The following ABCC5 variants were observed in gnomAD, a reference collection of about 807,000 sequenced individuals.
ABCC5 encodes the protein ATP binding cassette subfamily C member 5, also known as ATP-binding cassette sub-family C member 5.
In ABCC5, 61 loss-of-function variants were observed where a neutral mutation model predicts 160.9. The observed-to-expected ratio is 0.38, with a 90% CI of 0.31 to 0.47. ABCC5 has a LOEUF of 0.47. ABCC5 is among the 20% of genes least tolerant of loss of function. ABCC5 has a pLI of 0.99. For missense variants in ABCC5, 1,308 were observed against 1,813.3 expected, an observed-to-expected ratio of 0.72 and a Z score of 5.06; for synonymous variants, 666 against 700.6, an observed-to-expected ratio of 0.95 and a Z score of 0.78.
At chr3:183,943,304 A>G (rs1198065909) in intron 24 of ABCC5, among the ~76,000 whole-genome samples, 1 of 152,198 alleles carries the variant, frequency 6.6e-6, no homozygotes, top group Non-Finnish European at 1.5e-5. Context: ...CTACCATTTG[A>G]TAATCATTGG....
Position 183,987,418 on chromosome 3 carries a change from C to A in ABCC5, c.591+352G>T. 1.9e-6 allele frequency: 1 copy of A among 529,410 alleles called. No homozygotes were observed. Among genetic ancestry groups the A allele is most frequent in the South Asian group, 2.8e-5 (1 of 36,008 alleles). The allele number at this position is 529,410 out of a possible 1,614,324, so 32.8% of individuals were successfully genotyped here. A position where few individuals can be genotyped will look rare whatever the true frequency, so the allele number is the denominator to read the frequency against. ...CCCGGTGCTGGCTCACCAGCCCGGG[C>A]CACACAACGTGCTCTCACCCACTCA... On this transcript the variant is annotated intron_variant, in intron 5 of 29. Transcript: ENST00000334444. The surrounding 1 kb of genome is among the most constrained non-coding windows in gnomAD (Gnocchi z 4.2).
rs1424809331 is a variant in ABCC5 at position 183,963,533 on chromosome 3, G to A, written c.2087C>T (p.Ala696Val). The change falls in exon 15 of 30, where the codon GCC becomes GTC. Residue 696 changes from alanine to valine, a missense_variant. Coordinates refer to ENST00000334444, the MANE Select transcript of ABCC5 (RefSeq NM_005688.4). This position sits in a 1 kb window ranked among gnomAD's most constrained non-coding sequence, Gnocchi z 4.6. ...GCTCCTGTCACTATACAAGGCCCGG[G>A]CAAGGCTGATCCTCTGGCGCTGCCC... ...SGGQRQRISLARALYSDRSIY... is the reference protein window; with the variant it reads ...SGGQRQRISLVRALYSDRSIY... The A allele has an allele frequency of 6.2e-7, 1 of 1,614,088 alleles. No individual in the cohort carries two copies. Among genetic ancestry groups the A allele is most frequent in the Non-Finnish European group, 8.5e-7 (1 of 1,180,056 alleles).
At chr3:183,959,052 T>TACACACACACACACACAC (rs59592606) in intron 17 of ABCC5, among the ~76,000 whole-genome samples, 10 of 148,056 alleles carry the variant, frequency 6.8e-5, no homozygotes, top group African/African-American at 2.5e-4. Context: ...ATCTATACAG[T>TACACACACACACACACAC]ACACACACAC....
At chr3:183,979,562 G>A (rs986602633) in intron 8 of ABCC5, among the ~76,000 whole-genome samples, 6 of 152,154 alleles carry the variant, frequency 3.9e-5, no homozygotes, top group African/African-American at 1.2e-4. Context: ...ACTGAAGACC[G>A]TGGAGCAGGA....
At chr3:183,959,254 C>T (rs923442675) in intron 17 of ABCC5, among the ~76,000 whole-genome samples, 2 of 152,138 alleles carry the variant, frequency 1.3e-5, no homozygotes, top group Non-Finnish European at 2.9e-5. Context: ...AGGAAAAACC[C>T]CTCTCTGTCA....
chr3:183,998,090 T>C (rs1187245335), intron 2 of ABCC5, among the ~76,000 whole-genome samples: 1 of 152,102 alleles, frequency 6.6e-6, no homozygotes, highest in African/African-American at 2.4e-5. Flanking sequence ...CACCCAGCTT[T>C]TGCTTATTAT....
rs748165682 is a variant in ABCC5, at chr3:183,989,322, G to C, written c.191C>G (p.Ser64Cys). ...CAGGATTCTGAGCTGAGAATGCATGGAGGCATCAAGAGAGAGGCCCTCGGC... is the reference window on the plus strand; with the variant it reads ...CAGGATTCTGAGCTGAGAATGCATGCAGGCATCAAGAGAGAGGCCCTCGGC... ...ARAEGLSLDA[S>C]MHSQLRILDE... Residue 64 changes from serine (S) to cysteine (C), a missense_variant, in exon 3 of 30, where the codon TCC becomes TGC. This residue lies in a region of ABCC5 where 1,142 missense variants were observed against 1,527.1 expected (regional missense o/e 0.75). Transcript: ENST00000334444. 2.5e-6 allele frequency: 4 copies of C among 1,614,124 alleles called. No homozygotes were observed. Among genetic ancestry groups the C allele is most frequent in the East Asian group, 2.2e-5 (1 of 44,874 alleles).
chr3:183,980,720 T>G (rs200226816), intron 8 of ABCC5, among the ~76,000 whole-genome samples: 29,523 of 149,832 alleles, frequency 0.2, 3,047 homozygotes, highest in East Asian at 0.42. Flanking sequence ...TTTTGTTTTT[T>G]TTTTTTTTTT....
rs1014263264 is a variant in ABCC5 at position 183,921,706 on chromosome 3, A to G, written c.4213-305T>C. On this transcript the variant is annotated intron_variant, in intron 29 of 29. Transcript: ENST00000334444. The surrounding 1 kb of genome is among the most constrained non-coding windows in gnomAD (Gnocchi z 4.1). ...CCTTCACATAAATCCAAATTCCTTC[A>G]GCCTTGGGAGTGAAGGAACCAACCA... is the stretch of plus-strand genomic sequence containing the variant. Among the ~76,000 whole-genome samples the G allele has an allele frequency of 6.6e-6, 1 of 151,972 alleles. No individual in the cohort carries two copies. Among genetic ancestry groups the G allele is most frequent in the Non-Finnish European group, 1.5e-5 (1 of 68,006 alleles).
rs77184941 is a variant in ABCC5 at position 183,932,101 on chromosome 3, G to A, written c.3855-3276C>T. 6.7e-3 allele frequency among the ~76,000 whole-genome samples: 1,027 copies of A among 152,238 alleles called. 6 individuals are homozygous for A. Among genetic ancestry groups the A allele is most frequent in the Non-Finnish European group, 0.012 (799 of 68,016 alleles). The stretch of plus-strand genomic sequence containing the variant: ...TGAGACAACACAGCAATTCACCCTC[G>A]GTATAGTAGAAAACACTGCAGTAAA... On this transcript the variant is annotated intron_variant, in intron 26 of 29. Coordinates refer to ENST00000334444, the MANE Select transcript of ABCC5 (RefSeq NM_005688.4).
At chr3:183,936,241 C>G (rs2176824) in intron 26 of ABCC5, among the ~76,000 whole-genome samples, 95,544 of 151,796 alleles carry the variant, frequency 0.63, 31,014 homozygotes, top group East Asian at 0.84. Flanking sequence ...ACCAGGAAGA[C>G]GGCCCTCAGC....
At chr3:184,005,626 A>G (rs1203927093) in intron 2 of ABCC5, among the ~76,000 whole-genome samples, 1 of 139,152 alleles carries the variant, frequency 7.2e-6, no homozygotes, top group Non-Finnish European at 1.6e-5. Flanking sequence ...AAGACATTAA[A>G]AAAAGCATGA....
Position 183,982,997 on chromosome 3 carries a change from A to C in ABCC5, c.602T>G (p.Val201Gly). ...LAGFSGPAFM[V>G]KHLLEYTQAT... ...CTGGGTATACTCCAAGAGGTGTTTC[A>C]CCATGAAGGCCTACAGGGAGAGACA... The change falls in exon 6 of 30, where the codon GTG becomes GGG. Residue 201 changes from valine (V) to glycine (G), a missense_variant. Coordinates refer to ENST00000334444, the MANE Select transcript of ABCC5 (RefSeq NM_005688.4). The surrounding 1 kb of genome is among the most constrained non-coding windows in gnomAD (Gnocchi z 5.2). 1 of 1,614,016 alleles carries C rather than the reference A, an allele frequency of 6.2e-7. No individual in the cohort carries two copies. Among genetic ancestry groups the C allele is most frequent in the Non-Finnish European group, 8.5e-7 (1 of 1,179,876 alleles).
At chr3:184,005,621 A>G (rs773941667) in intron 2 of ABCC5, among the ~76,000 whole-genome samples, 34 of 144,140 alleles carry the variant, frequency 2.4e-4, no homozygotes, top group Non-Finnish European at 2.6e-4. Flanking sequence ...ACGGTAAGAC[A>G]TTAAAAAAAG....
intron 2 of ABCC5, chr3:184,000,583 G>T (rs1720668602): frequency 6.6e-6 from 1 of 152,004 alleles, no homozygotes; most frequent in African/African-American, 2.4e-5. Flanking sequence ...AACCACATAA[G>T]CCTTAAAAGA....
Position 183,953,173 on chromosome 3 carries a change from C to G in ABCC5, c.2580G>C (p.Leu860=). 6.2e-7 allele frequency: 1 copy of G among 1,614,122 alleles called. No individual in the cohort carries two copies. The highest frequency in any genetic ancestry group is 1.1e-5 in the South Asian group (1 of 91,082). ...IQAAGGPLAF[L]VIMALFMLNV... ...TCAGCATGAAAAGGGCCATAATAAC[C>G]AGGAATGCCAAGGGGCCCCCAGCAG... The change falls in exon 18 of 30, where the codon CTG becomes CTC. Residue 860 remains leucine, a synonymous_variant. Transcript: ENST00000334444.
intron 2 of ABCC5, among the ~76,000 whole-genome samples, chr3:184,001,658 C>T (rs1389014311): frequency 6.6e-6 from 1 of 152,116 alleles, no homozygotes; most frequent in Non-Finnish European, 1.5e-5. Flanking sequence ...AATTATGTGG[C>T]CCAAAATGTC....
chr3:183,971,669 T>G lies in ABCC5; in HGVS notation c.1655A>C (p.Asp552Ala). The change falls in exon 11 of 30, where the codon GAC becomes GCC. Residue 552 changes from aspartate to alanine, a missense_variant. By Grantham distance (126) the Asp-to-Ala change is moderately radical. Coordinates refer to ENST00000334444, the MANE Select transcript of ABCC5 (RefSeq NM_005688.4). ...TTCGGGACTGGGCCGCTCGTCACTGTCCAGGAGGAGGTGGCCTTTCTGCTC... is the reference window on the plus strand; with the variant it reads ...TTCGGGACTGGGCCGCTCGTCACTGGCCAGGAGGAGGTGGCCTTTCTGCTC... ...LAEQKGHLLL[D>A]SDERPSPEEE... 1 of 1,614,222 alleles carries G rather than the reference T, an allele frequency of 6.2e-7. No homozygotes were observed. The highest frequency in any genetic ancestry group is 8.5e-7 in the Non-Finnish European group (1 of 1,180,038).
intron 11 of ABCC5, 126 bp from the exon 12 acceptor site, chr3:183,967,892 G>A: frequency 1.3e-6 from 1 of 753,462 alleles, no homozygotes; most frequent in East Asian, 2.6e-5. Context: ...GACTCAGCAG[G>A]CCACTTACCT....
Sources: gnomAD v4.1 joint callset for allele counts (sites outside exome capture counted in the v4.1 genomes callset) on GRCh38, gnomAD v4.1.1 for gene constraint, gnomAD v4.1.1 regional missense constraint, Gnocchi (gnomAD v3.1) non-coding constraint, MANE v1.5 for transcripts, NCBI Gene and HGNC (gene_info 2026-07-23, HGNC 2026-07-21) for gene names.